SKIC8: variants seen among roughly 807,000 people sequenced by gnomAD.
The protein encoded by SKIC8 is SKI8 subunit of superkiller complex.
the SKIC8 span, chr15:78,285,048 G>C: frequency 1.8e-6 from 1 of 548,358 alleles, no homozygotes; most frequent in Middle Eastern, 2.7e-4. Context: ...GATATGCCTC[G>C]TGAGTTGCTA....
the SKIC8 span, chr15:78,289,591 T>A: frequency 6.6e-7 from 1 of 1,520,588 alleles, no homozygotes; most frequent in Non-Finnish European, 9.1e-7. Flanking sequence ...GATAACCCAG[T>A]TTGTCAAAAT....
At chr15:78,289,729 T>C in the SKIC8 span, 5 of 1,609,130 alleles carry the variant, frequency 3.1e-6, no homozygotes, top group Admixed American at 1.7e-5. Flanking sequence ...AGAGAACATA[T>C]GGAGAAATTA....
At chr15:78,285,152 G>C in the SKIC8 span, 18 of 982,020 alleles carry the variant, frequency 1.8e-5, no homozygotes, top group South Asian at 2.4e-4. Flanking sequence ...TCAGGCCCAG[G>C]CATCTACTGG....
chr15:78,286,868 G>T, the SKIC8 span: 3 of 152,108 alleles, frequency 2.0e-5, no homozygotes, highest in African/African-American at 7.2e-5. Context: ...AGTTGATAGG[G>T]GCTCAAGGCA....
At chr15:78,293,549 A>G in the SKIC8 span, among the ~76,000 whole-genome samples, 1 of 152,178 alleles carries the variant, frequency 6.6e-6, no homozygotes, top group Non-Finnish European at 1.5e-5. Context: ...TATCTGGTAT[A>G]TAGGAGTCTA....
chr15:78,288,456 C>T, the SKIC8 span: 5 of 1,427,546 alleles, frequency 3.5e-6, no homozygotes, highest in Non-Finnish European at 4.9e-6. Flanking sequence ...GACAATGCCC[C>T]TTTTAATGAT....
the SKIC8 span, chr15:78,293,190 A>T: frequency 1.9e-6 from 3 of 1,614,162 alleles, no homozygotes; most frequent in Non-Finnish European, 2.5e-6. Flanking sequence ...TCACCAGGTC[A>T]TCTAGGGAGC....
chr15:78,292,553 C>T, the SKIC8 span: 2 of 1,606,752 alleles, frequency 1.2e-6, no homozygotes, highest in East Asian at 2.2e-5. Context: ...ACATTCTATC[C>T]CTAAAGATTT....
chr15:78,285,816 T>C, the SKIC8 span: 3 of 467,118 alleles, frequency 6.4e-6, no homozygotes, highest in Non-Finnish European at 1.1e-5. Context: ...AGCCTCAATT[T>C]ATAATGAAAA....
the SKIC8 span, chr15:78,292,615 C>T: frequency 1.2e-6 from 2 of 1,614,034 alleles, no homozygotes; most frequent in Non-Finnish European, 8.5e-7. Context: ...AAAACTCTTA[C>T]CAGGTCCTGC....
the SKIC8 span, chr15:78,295,576 A>G: frequency 1.9e-6 from 3 of 1,547,602 alleles, no homozygotes; most frequent in South Asian, 2.2e-5. Flanking sequence ...CCAGGCAAGA[A>G]TGAGATGCTA....
the SKIC8 span, chr15:78,294,831 C>A: frequency 8.3e-7 from 1 of 1,198,106 alleles, no homozygotes; most frequent in Non-Finnish European, 1.2e-6. Flanking sequence ...GCCAATTCTT[C>A]TGCAAAGTGA....
the SKIC8 span, among the ~76,000 whole-genome samples, chr15:78,297,143 C>G: frequency 6.6e-6 from 1 of 152,160 alleles, no homozygotes; most frequent in East Asian, 1.9e-4. Context: ...TTAGAAGCAC[C>G]TCAGCACTAT....
the SKIC8 span, chr15:78,286,049 A>G: frequency 6.2e-7 from 1 of 1,612,754 alleles, no homozygotes; most frequent in Non-Finnish European, 8.5e-7. Context: ...ACCTGGAAAC[A>G]AAGTGAGTGT....
chr15:78,289,888 G>GC, the SKIC8 span: 1 of 1,585,146 alleles, frequency 6.3e-7, no homozygotes, highest in Non-Finnish European at 8.6e-7. Context: ...GGCAAGGACT[G>GC]CAACAGGCTG....
At chr15:78,283,682 C>T in the SKIC8 span, 1 of 514,450 alleles carries the variant, frequency 1.9e-6, no homozygotes, top group South Asian at 3.9e-5. Context: ...TAACCGAGCA[C>T]CTTCCATTAT....
chr15:78,294,298 T>C, the SKIC8 span, among the ~76,000 whole-genome samples: 175 of 152,328 alleles, frequency 1.1e-3, no homozygotes, highest in African/African-American at 3.7e-3. Context: ...ATTCCACAAA[T>C]TCCTTAGGCC....
At chr15:78,299,584 T>TCGGAAGCCGGGCTCCGCGC in the SKIC8 span, 1 of 152,360 alleles carries the variant, frequency 6.6e-6, no homozygotes, top group Non-Finnish European at 1.5e-5. Flanking sequence ...AGGCTGCACG[T>TCGGAAGCCGGGCTCCGCGC]CGGAAGCCGG....
the SKIC8 span, chr15:78,290,911 G>A: frequency 2.0e-5 from 3 of 151,892 alleles, no homozygotes; most frequent in African/African-American, 7.2e-5. Context: ...TCAGCTTCCT[G>A]AGTAGCTGGG....
Sources: allele counts gnomAD v4.1 joint callset (sites outside exome capture counted in the v4.1 genomes callset), GRCh38; gene constraint gnomAD v4.1.1; transcripts MANE v1.5; gene names NCBI Gene and HGNC (gene_info 2026-07-23, HGNC 2026-07-21).